The following MROH1 variants were observed in gnomAD, a reference collection of about 807,000 sequenced individuals.
MROH1 encodes maestro heat like repeat family member 1, also known as maestro heat-like repeat-containing protein family member 1.
In MROH1, 117 loss-of-function variants were observed where a neutral mutation model predicts 116.5. That is an observed-to-expected ratio of 1.00 (90% CI 0.86 to 1.17). The LOEUF (loss-of-function observed/expected upper bound fraction) is 1.17, where lower values mean the gene tolerates loss of function less well. Among genes scored for constraint, MROH1 ranks in the 50% most tolerant of loss-of-function variants. The pLI is 0.00. For synonymous variants in MROH1, 921 were observed against 583.9 expected (o/e 1.58, Z -8.32); for missense variants, 1,873 against 1,338.5 (o/e 1.40, Z -6.23).
Position 144,200,424 on chromosome 8 carries a change from G to A in MROH1, c.1028-4G>A, listed in dbSNP as rs1188358375. The A allele has an allele frequency of 6.5e-7, 1 of 1,547,172 alleles. No individual in the cohort carries two copies. Among genetic ancestry groups the A allele is most frequent in the East Asian group, 2.4e-5 (1 of 40,912 alleles). On this transcript the variant is annotated splice_region_variant and splice_polypyrimidine_tract_variant and intron_variant, in intron 11 of 43. Transcript: ENST00000326134. ...GAGCCTAATCTGTACCCGTTGCCCT[G>A]TAGCCTGCAGCTCGCCTGACCGCCT...
chr8:144,213,515 G>A (rs1834623171), intron 12 of MROH1: 1 of 158,000 alleles, frequency 6.3e-6, no homozygotes, highest in Non-Finnish European at 1.4e-5. Context: ...TGGGCTGGGA[G>A]CGGTGGTTCG....
chr8:144,213,650 G>A (rs375799288), intron 12 of MROH1, among the ~76,000 whole-genome samples: 59 of 152,222 alleles, frequency 3.9e-4, no homozygotes, highest in African/African-American at 1.3e-3. Context: ...TTAGCTGGGC[G>A]TGGTGGCGTG....
chr8:144,249,944 C>A (rs1226254085), intron 32 of MROH1, among the ~76,000 whole-genome samples: 1 of 152,250 alleles, frequency 6.6e-6, no homozygotes, highest in Non-Finnish European at 1.5e-5. Context: ...GAACCAGCCT[C>A]TGGGCCACAT....
Position 144,242,403 on chromosome 8 carries a change from G to A in MROH1, c.2213G>A (p.Ser738Asn), listed in dbSNP as rs2132945227. The change falls in exon 23 of 44, where the codon AGT (serine) becomes AAT (asparagine). Residue 738 changes from serine to asparagine, a missense_variant. Transcript: ENST00000326134. The part of the protein sequence containing the change: ...RSENEVEKVK[S>N]ALILCYGHVA... Reference sequence around the variant, plus strand: ...GAGAACGAAGTGGAGAAGGTGAAGAGTGCTCTGATCCTGTGCTATGGGCAC... The same window carrying A: ...GAGAACGAAGTGGAGAAGGTGAAGAATGCTCTGATCCTGTGCTATGGGCAC... 6.4e-6 allele frequency: 5 copies of A among 780,756 alleles called. No homozygotes were observed. The East Asian group carries it at 1.2e-4, about 19-fold the overall frequency. The allele number at this position is 780,756 out of a possible 1,614,324, so 48.4% of individuals were successfully genotyped here. A position where few individuals can be genotyped will look rare whatever the true frequency, so the allele number is the denominator to read the frequency against.
intron 11 of MROH1, among the ~76,000 whole-genome samples, chr8:144,200,038 C>T (rs1830755938): frequency 6.6e-6 from 1 of 152,164 alleles, no homozygotes; most frequent in African/African-American, 2.4e-5. Context: ...CCTGCTTGGG[C>T]TGGGGGTCTG....
chr8:144,185,768 G>T (rs1425371911), intron 7 of MROH1, among the ~76,000 whole-genome samples: 1 of 101,032 alleles, frequency 9.9e-6, no homozygotes, highest in Non-Finnish European at 2.0e-5. Context: ...GGGGACGTGA[G>T]GGGCAGTGCG....
chr8:144,173,953 G>A (rs946475033), intron 4 of MROH1, among the ~76,000 whole-genome samples: 1 of 152,084 alleles, frequency 6.6e-6, no homozygotes, highest in Non-Finnish European at 1.5e-5. Context: ...TGGGGGAGAG[G>A]GGAGCTGGAG....
At chr8:144,230,502 C>CT (rs111658619) in intron 14 of MROH1, among the ~76,000 whole-genome samples, 2,202 of 132,252 alleles carry the variant, frequency 0.017, 60 homozygotes, top group African/African-American at 0.053. Context: ...TCATTTCTGG[C>CT]TTTTTTTTTT....
intron 4 of MROH1, among the ~76,000 whole-genome samples, chr8:144,177,015 A>G (rs932445506): frequency 6.6e-6 from 1 of 152,130 alleles, no homozygotes; most frequent in Non-Finnish European, 1.5e-5. Flanking sequence ...GAAATCTAAC[A>G]GTGAAAATCA....
chr8:144,171,905 A>G (rs1249912021), intron 4 of MROH1, among the ~76,000 whole-genome samples: 2 of 152,192 alleles, frequency 1.3e-5, no homozygotes, highest in Non-Finnish European at 2.9e-5. Flanking sequence ...ACTACCTTCC[A>G]GGCTACGACA....
rs147433861 is a variant in MROH1 at position 144,228,377 on chromosome 8, ATCT to A, written c.1338+5152_1338+5154del. ...ATCATCTGAGCCATCACCAGTCATA[ATCT>A]TCTTGTTGGTGGAGGGTCTTGCCTT... is the stretch of plus-strand genomic sequence containing the variant. On this transcript the variant is annotated intron_variant, in intron 14 of 43. Coordinates refer to ENST00000326134, the MANE Select transcript of MROH1 (RefSeq NM_032450.3). Among the ~76,000 whole-genome samples the A allele has an allele frequency of 1.2e-4, 18 of 152,290 alleles. No individual in the cohort carries two copies. In the East Asian group the frequency reaches 2.7e-3, roughly 23 times the overall value.
intron 33 of MROH1, 184 bp downstream of exon 33, chr8:144,250,550 A>G (rs1588491473): frequency 3.0e-6 from 2 of 669,500 alleles, no homozygotes; most frequent in Non-Finnish European, 2.7e-6. Context: ...ACCCACGGGG[A>G]CCTCTCCTCT....
chr8:144,181,329 G>GGCCGGTGATGGGGGAGGA (rs1564414018), intron 7 of MROH1, among the ~76,000 whole-genome samples: 112 of 152,190 alleles, frequency 7.4e-4, no homozygotes, highest in African/African-American at 2.3e-3. Flanking sequence ...ATGGGGGAGG[G>GGCCGGTGATGGGGGAGGA]GCCTGGTGGG....
intron 7 of MROH1, among the ~76,000 whole-genome samples, chr8:144,187,631 C>T (rs1416466371): frequency 6.6e-6 from 1 of 152,246 alleles, no homozygotes; most frequent in Non-Finnish European, 1.5e-5. Context: ...GTGCCAGCTC[C>T]TCTGTGAATC....
chr8:144,195,217 A>AAAAAAAAAAAAAAAAAAC, intron 10 of MROH1, among the ~76,000 whole-genome samples: 1 of 141,140 alleles, frequency 7.1e-6, no homozygotes, highest in Admixed American at 7.2e-5. Flanking sequence ...AAAAAAAAAA[A>AAAAAAAAAAAAAAAAAAC]AAGGCCGAGT....
In MROH1 at chr8:144,175,169, TCTC is replaced by T. The variant is rs1451373653; in HGVS notation, c.169-4281_169-4279del. On this transcript the variant is annotated intron_variant, in intron 4 of 43. Transcript: ENST00000326134. ...ATTAATGCCCTGCTGCACCTGAGCT[TCTC>T]CTCCCAGCAGCGGATCTGGTCGAGT... is the stretch of plus-strand genomic sequence containing the variant. The T allele has an allele frequency of 1.3e-4, 131 of 983,318 alleles. 2 individuals are homozygous for T. Among genetic ancestry groups the T allele is most frequent in the South Asian group, 1.3e-3 (27 of 21,236 alleles). 60.9% of individuals were successfully genotyped at this position (983,318 alleles called of 1,614,324 possible).
At chr8:144,231,677 T>A (rs1554822932) in intron 14 of MROH1, among the ~76,000 whole-genome samples, 1 of 152,128 alleles carries the variant, frequency 6.6e-6, no homozygotes. Flanking sequence ...CCATCACAGA[T>A]ATAATATTAA....
At chr8:144,181,349 G>C (rs1248407762) in intron 7 of MROH1, among the ~76,000 whole-genome samples, 1 of 126,706 alleles carries the variant, frequency 7.9e-6, no homozygotes. Flanking sequence ...GGCCCGGGCA[G>C]GGCATGTTTT....
intron 10 of MROH1, among the ~76,000 whole-genome samples, chr8:144,195,976 G>A (rs1044171751): frequency 6.6e-5 from 10 of 151,986 alleles, no homozygotes; most frequent in African/African-American, 2.4e-4. Context: ...GTTTTGTTAT[G>A]CATAGAAAAC....
Sources: gnomAD v4.1 joint callset for allele counts (sites outside exome capture counted in the v4.1 genomes callset) on GRCh38, gnomAD v4.1.1 for gene constraint, MANE v1.5 for transcripts, NCBI Gene and HGNC (gene_info 2026-07-23, HGNC 2026-07-21) for gene names.